SLC16A7: variants seen among roughly 807,000 people sequenced by gnomAD.
SLC16A7 encodes the protein monocarboxylate transporter 2.
In SLC16A7, 33 loss-of-function variants were observed where a neutral mutation model predicts 34.9. That is an observed-to-expected ratio of 0.94 (90% CI 0.72 to 1.26). The LOEUF (loss-of-function observed/expected upper bound fraction) is 1.26. Ranked by LOEUF, SLC16A7 falls within the 50% of genes most tolerant of loss-of-function variation. The pLI, the probability that SLC16A7 is intolerant of heterozygous loss-of-function variation, is 0.00. For synonymous variants in SLC16A7, 201 were observed against 206.6 expected (o/e 0.97, Z 0.23); for missense variants, 573 against 578.1 (o/e 0.99, Z 0.09).
intron 1 of SLC16A7, among the ~76,000 whole-genome samples, chr12:59,651,570 A>G (rs1868342810): frequency 6.6e-6 from 1 of 152,100 alleles, no homozygotes; most frequent in African/African-American, 2.4e-5. Flanking sequence ...TTCAAACATC[A>G]CCTTTGCTGG....
At chr12:59,633,826 T>C (rs998234224) in intron 1 of SLC16A7, among the ~76,000 whole-genome samples, 2 of 151,844 alleles carry the variant, frequency 1.3e-5, no homozygotes, top group African/African-American at 4.8e-5. Flanking sequence ...TCACTTACTA[T>C]CACGAGAATG....
chr12:59,774,844 T>C lies in SLC16A7; in HGVS notation c.549T>C (p.Ser183=). The change falls in exon 5 of 6, where the codon AGT becomes AGC. Residue 183 remains serine, a synonymous_variant. Transcript: ENST00000547379. ...GWKGSFLILG[S]LLLNACVAGS... ...AAGGAAGCTTCCTGATTTTGGGAAG[T>C]CTACTTTTGAATGCCTGTGTGGCTG... is the stretch of plus-strand genomic sequence containing the variant. The C allele has an allele frequency of 6.2e-7, 1 of 1,613,912 alleles. No individual in the cohort carries two copies. The highest frequency in any genetic ancestry group is 8.5e-7 in the Non-Finnish European group (1 of 1,179,964).
intron 3 of SLC16A7, among the ~76,000 whole-genome samples, chr12:59,749,816 G>T (rs1347541642): frequency 6.6e-6 from 1 of 152,152 alleles, no homozygotes; most frequent in East Asian, 1.9e-4. Flanking sequence ...GAATGTAAAG[G>T]ACTTCAAGAT....
At chr12:59,730,284 T>C (rs1876787147) in intron 3 of SLC16A7, among the ~76,000 whole-genome samples, 1 of 151,606 alleles carries the variant, frequency 6.6e-6, no homozygotes, top group Non-Finnish European at 1.5e-5. Context: ...AATAACTTAA[T>C]TTTCTACTCC....
chr12:59,652,520 C>T (rs994246533), intron 1 of SLC16A7, among the ~76,000 whole-genome samples: 5 of 151,676 alleles, frequency 3.3e-5, no homozygotes, highest in Non-Finnish European at 5.9e-5. Flanking sequence ...TAGCTGCTGG[C>T]CCTTTCTAAA....
At chr12:59,745,676 A>T (rs571858881) in intron 3 of SLC16A7, among the ~76,000 whole-genome samples, 1 of 152,310 alleles carries the variant, frequency 6.6e-6, no homozygotes, top group South Asian at 2.1e-4. Context: ...AAAAGCAGAT[A>T]TTCTTCCTGG....
chr12:59,664,870 T>C (rs566016533), intron 2 of SLC16A7: 1 of 152,306 alleles, frequency 6.6e-6, no homozygotes, highest in Non-Finnish European at 1.5e-5. Flanking sequence ...GGCTAAAAGT[T>C]AATGATCAGT....
At chr12:59,674,558 T>A (rs916496892) in intron 2 of SLC16A7, among the ~76,000 whole-genome samples, 1 of 152,162 alleles carries the variant, frequency 6.6e-6, no homozygotes, top group Non-Finnish European at 1.5e-5. Context: ...TGAACTGCGC[T>A]AATATTTTTT....
intron 1 of SLC16A7, among the ~76,000 whole-genome samples, chr12:59,645,409 G>A (rs758064861): frequency 7.2e-4 from 110 of 152,128 alleles, no homozygotes; most frequent in Non-Finnish European, 1.3e-3. Context: ...TCTTATGATA[G>A]TAAATGAGTT....
chr12:59,764,736 T>G (rs1394779800), intron 3 of SLC16A7, among the ~76,000 whole-genome samples: 1 of 152,222 alleles, frequency 6.6e-6, no homozygotes, highest in Non-Finnish European at 1.5e-5. Context: ...CTATCATTGT[T>G]GGACATTTGG....
At chr12:59,700,125 G>C (rs1423762382) in intron 2 of SLC16A7, among the ~76,000 whole-genome samples, 1 of 151,726 alleles carries the variant, frequency 6.6e-6, no homozygotes, top group Non-Finnish European at 1.5e-5. Flanking sequence ...CAGTGAATCA[G>C]CAATATGTAT....
intron 3 of SLC16A7, among the ~76,000 whole-genome samples, chr12:59,741,937 C>A (rs1878396134): frequency 6.6e-6 from 1 of 152,142 alleles, no homozygotes; most frequent in South Asian, 2.1e-4. Context: ...GAGACTGAGG[C>A]AAGTTTCAGA....
intron 1 of SLC16A7, among the ~76,000 whole-genome samples, chr12:59,630,920 G>C (rs1009107445): frequency 7.2e-5 from 11 of 151,820 alleles, no homozygotes; most frequent in Non-Finnish European, 1.2e-4. Flanking sequence ...TTGTTTCAAG[G>C]ACAAGTAACT....
At chr12:59,687,891 A>G (rs1871280718) in intron 2 of SLC16A7, among the ~76,000 whole-genome samples, 1 of 152,150 alleles carries the variant, frequency 6.6e-6, no homozygotes, top group Admixed American at 6.6e-5. Context: ...CCAAACCTAA[A>G]GTCAATGGAT....
At chr12:59,650,195 A>G (rs1014546312) in intron 1 of SLC16A7, among the ~76,000 whole-genome samples, 2 of 152,124 alleles carry the variant, frequency 1.3e-5, no homozygotes, top group Non-Finnish European at 2.9e-5. Context: ...GAAAATTTAA[A>G]TTGGGTCTGT....
At chr12:59,716,226 T>G (rs115746560) in intron 3 of SLC16A7, among the ~76,000 whole-genome samples, 1,639 of 152,282 alleles carry the variant, frequency 0.011, 20 homozygotes, top group African/African-American at 0.038. Flanking sequence ...TTGCATCTCA[T>G]GCAGTCAATG....
intron 1 of SLC16A7, among the ~76,000 whole-genome samples, chr12:59,646,403 G>A (rs1868251416): frequency 6.6e-6 from 1 of 152,210 alleles, no homozygotes; most frequent in Admixed American, 6.5e-5. Flanking sequence ...CAAGCCCTTA[G>A]GCTTGGAAGC....
chr12:59,728,165 A>G (rs893576890), intron 3 of SLC16A7, among the ~76,000 whole-genome samples: 1 of 152,210 alleles, frequency 6.6e-6, no homozygotes, highest in Admixed American at 6.5e-5. Flanking sequence ...GGTTTAATAC[A>G]GCAACCTGAA....
At chr12:59,726,698 G>A (rs187713746) in intron 3 of SLC16A7, among the ~76,000 whole-genome samples, 44 of 152,242 alleles carry the variant, frequency 2.9e-4, no homozygotes, top group African/African-American at 9.6e-4. Flanking sequence ...TGGATTCTCC[G>A]TCTTGGGCTG....
Sources: allele counts gnomAD v4.1 joint callset (sites outside exome capture counted in the v4.1 genomes callset), GRCh38; gene constraint gnomAD v4.1.1; transcripts MANE v1.5; gene names NCBI Gene and HGNC (gene_info 2026-07-23, HGNC 2026-07-21).